ADGB: variants seen among roughly 807,000 people sequenced by gnomAD.
The protein encoded by ADGB is calpain-7-like protein.
A neutral mutation model predicts 210.5 loss-of-function variants in ADGB; 172 were observed. That is an observed-to-expected ratio of 0.82 (90% CI 0.72 to 0.93). ADGB has a LOEUF of 0.93. Among genes scored for constraint, ADGB ranks in the 40% least tolerant of loss-of-function variants. The probability of loss-of-function intolerance (pLI) is 0.00; values close to 1 mark genes in which losing one functional copy is unlikely to be tolerated. For synonymous variants in ADGB, 658 were observed against 662.7 expected, an observed-to-expected ratio of 0.99 and a Z score of 0.11; for missense variants, 2,025 against 1,964.8, an observed-to-expected ratio of 1.03 and a Z score of -0.58.
chr6:146,656,788 C>A lies in ADGB; in HGVS notation c.420C>A (p.Ile140=). Residue 140 remains isoleucine (I), a synonymous_variant, in exon 5 of 36, where the codon ATC becomes ATA. Transcript: ENST00000397944. Reference sequence around the variant, plus strand: ...ATCTCTAGCTGATGAGATGGATTATCAGTGAAATCTATGCAGTGTGGAAGA... The same window carrying A: ...ATCTCTAGCTGATGAGATGGATTATAAGTGAAATCTATGCAGTGTGGAAGA... ...LLCSELMRWI[I]SEIYAVWKIF... is the part of the protein sequence containing the mutation. 1 of 1,536,216 alleles carries A rather than the reference C, an allele frequency of 6.5e-7. No homozygotes were observed. The highest frequency in any genetic ancestry group is 2.5e-5 in the East Asian group (1 of 40,602).
At chr6:146,727,653 A>G (rs1004240041) in intron 19 of ADGB, among the ~76,000 whole-genome samples, 2 of 152,200 alleles carry the variant, frequency 1.3e-5, no homozygotes, top group Non-Finnish European at 2.9e-5. Flanking sequence ...TCCAAGAAGC[A>G]AAAGAGAATA....
intron 13 of ADGB, among the ~76,000 whole-genome samples, chr6:146,714,460 T>C (rs1270033414): frequency 6.6e-6 from 1 of 152,194 alleles, no homozygotes; most frequent in African/African-American, 2.4e-5. Flanking sequence ...CTTGTGGACT[T>C]TCACTTAATT....
chr6:146,739,714 C>T (rs1178928060), intron 23 of ADGB, among the ~76,000 whole-genome samples: 2 of 152,140 alleles, frequency 1.3e-5, no homozygotes. Context: ...TTTGCTATGG[C>T]CATAATGCTT....
chr6:146,670,815 A>G (rs938858189), intron 7 of ADGB, among the ~76,000 whole-genome samples: 3 of 152,206 alleles, frequency 2.0e-5, no homozygotes, highest in Non-Finnish European at 4.4e-5. Context: ...TAAAATGAGA[A>G]TTAAAAAAAA....
intron 22 of ADGB, among the ~76,000 whole-genome samples, chr6:146,734,850 C>T (rs1265677859): frequency 6.6e-6 from 1 of 152,114 alleles, no homozygotes; most frequent in Non-Finnish European, 1.5e-5. Flanking sequence ...GTGGTGGTTG[C>T]AGCGAGCCTG....
chr6:146,805,045 C>T (rs151266075), intron 35 of ADGB, among the ~76,000 whole-genome samples: 11 of 152,278 alleles, frequency 7.2e-5, no homozygotes, highest in African/African-American at 1.9e-4. Flanking sequence ...AACAGTAAAA[C>T]GGTATTTCTC....
intron 29 of ADGB, among the ~76,000 whole-genome samples, chr6:146,771,778 G>A (rs1019409428): frequency 6.6e-6 from 1 of 152,182 alleles, no homozygotes; most frequent in Non-Finnish European, 1.5e-5. Context: ...AAAGAATAAA[G>A]AAACAGCACA....
intron 1 of ADGB, among the ~76,000 whole-genome samples, chr6:146,622,923 G>A (rs151225034): frequency 3.7e-4 from 56 of 152,006 alleles, no homozygotes; most frequent in African/African-American, 1.3e-3. Flanking sequence ...TTTGCATATG[G>A]ATATTCAATG....
intron 30 of ADGB, 55 bp from the exon 31 acceptor site, chr6:146,784,563 A>G: frequency 7.4e-7 from 1 of 1,353,936 alleles, no homozygotes; most frequent in South Asian, 1.6e-5. Flanking sequence ...GGTAAAATCT[A>G]GACCCTTTTG....
intron 28 of ADGB, among the ~76,000 whole-genome samples, chr6:146,766,048 T>G (rs2114627699): frequency 6.6e-6 from 1 of 152,028 alleles, no homozygotes; most frequent in Middle Eastern, 3.4e-3. Context: ...GGTGGAGGTG[T>G]AACAACAGAC....
chr6:146,743,969 GA>G (rs1484497963), intron 25 of ADGB, among the ~76,000 whole-genome samples: 1 of 152,136 alleles, frequency 6.6e-6, no homozygotes, highest in African/African-American at 2.4e-5. Flanking sequence ...CAAGCTGTGT[GA>G]ATAGAAAAAG....
chr6:146,690,100 C>T (rs1488910630), intron 10 of ADGB, among the ~76,000 whole-genome samples: 1 of 152,076 alleles, frequency 6.6e-6, no homozygotes, highest in Non-Finnish European at 1.5e-5. Context: ...AATTATTATC[C>T]TGATCTTGGG....
intron 1 of ADGB, among the ~76,000 whole-genome samples, chr6:146,621,269 A>T (rs896495855): frequency 2.6e-5 from 4 of 152,212 alleles, no homozygotes; most frequent in African/African-American, 9.6e-5. Flanking sequence ...TGTGGCACAT[A>T]AAAGAGACTG....
intron 10 of ADGB, among the ~76,000 whole-genome samples, chr6:146,689,935 AAT>A (rs1776278763): frequency 1.3e-5 from 2 of 152,172 alleles, no homozygotes; most frequent in South Asian, 4.1e-4. Context: ...AAGTTGCTAA[AAT>A]ATACCAAAGG....
In ADGB at chr6:146,730,233, A is replaced by T. The variant is rs530614912; in HGVS notation, c.2520+1492A>T. ...GGGTTCTTGAGGAAATATAACTAGA[A>T]ATAAAATCTCCCAACCTAGATGACC... On this transcript the variant is annotated intron_variant, in intron 20 of 35. Transcript: ENST00000397944. Among the ~76,000 whole-genome samples the T allele has an allele frequency of 2.0e-5, 3 of 152,286 alleles. No individual in the cohort carries two copies. The East Asian group carries it at 5.8e-4, about 29-fold the overall frequency.
intron 13 of ADGB, among the ~76,000 whole-genome samples, chr6:146,709,807 G>A (rs548178088): frequency 9.7e-4 from 148 of 152,290 alleles, no homozygotes; most frequent in African/African-American, 3.0e-3. Context: ...TGGGAGTGAT[G>A]TGTGTGATGC....
chr6:146,604,350 T>C (rs747880963), intron 1 of ADGB, among the ~76,000 whole-genome samples: 46 of 152,148 alleles, frequency 3.0e-4, no homozygotes, highest in Non-Finnish European at 5.6e-4. Context: ...TAGCATTGCT[T>C]TCGTGTAAAT....
chr6:146,798,103 A>G (rs912451775), intron 33 of ADGB, among the ~76,000 whole-genome samples: 2 of 152,180 alleles, frequency 1.3e-5, no homozygotes, highest in Non-Finnish European at 2.9e-5. Context: ...CACATTCACA[A>G]TAAACAAGCA....
At chr6:146,616,604 C>T (rs994576256) in intron 1 of ADGB, among the ~76,000 whole-genome samples, 8 of 152,090 alleles carry the variant, frequency 5.3e-5, no homozygotes, top group Admixed American at 3.9e-4. Flanking sequence ...TTGATCTTTG[C>T]ATATGGTGAA....
Sources: gnomAD v4.1 joint callset for allele counts (sites outside exome capture counted in the v4.1 genomes callset) on GRCh38, gnomAD v4.1.1 for gene constraint, MANE v1.5 for transcripts, NCBI Gene and HGNC (gene_info 2026-07-23, HGNC 2026-07-21) for gene names.